The following ANTXR1 variants were observed in gnomAD, a reference collection of about 807,000 sequenced individuals.
ANTXR1 encodes the protein ANTXR cell adhesion molecule 1, also known as anthrax toxin receptor 1.
ANTXR1 carries 19 observed loss-of-function variants against 78.1 expected under a neutral mutation model. The ratio of observed to expected loss-of-function variants is 0.24; its 90% confidence interval spans 0.17 to 0.36. The LOEUF is 0.36. ANTXR1 is among the 10% of genes least tolerant of loss of function. The pLI, the probability that ANTXR1 is intolerant of heterozygous loss-of-function variation, is 1.00. For missense variants in ANTXR1, 518 were observed against 718.6 expected (o/e 0.72, Z 3.19); for synonymous variants, 273 against 260.5 (o/e 1.05, Z -0.46).
chr2:69,218,172 G>A lies in ANTXR1; in HGVS notation c.1434+24757G>A, dbSNP rs562556743. Among the ~76,000 whole-genome samples the A allele has an allele frequency of 3.3e-5, 5 of 152,260 alleles. No individual in the cohort carries two copies. In the East Asian group the frequency reaches 9.6e-4, roughly 29 times the overall value. On this transcript the variant is annotated intron_variant, in intron 17 of 17. Coordinates refer to ENST00000303714, the MANE Select transcript of ANTXR1 (RefSeq NM_032208.3). ...AACAGTTCATTCTCCTGGCCCTCGT[G>A]TGAAAACTGCAGAAAAGTCACCCCA...
At chr2:69,026,281 C>T (rs1671342378) in intron 1 of ANTXR1, among the ~76,000 whole-genome samples, 1 of 152,234 alleles carries the variant, frequency 6.6e-6, no homozygotes, top group African/African-American at 2.4e-5. Flanking sequence ...GGGTTCAAAT[C>T]TCAGCCCTAC....
At chr2:69,214,811 G>A (rs1675137089) in intron 17 of ANTXR1, among the ~76,000 whole-genome samples, 1 of 152,164 alleles carries the variant, frequency 6.6e-6, no homozygotes, top group South Asian at 2.1e-4. Flanking sequence ...TTCCCCTGGG[G>A]TGCTCCTTGG....
chr2:69,023,293 C>T (rs777007895), intron 1 of ANTXR1, among the ~76,000 whole-genome samples: 3 of 149,762 alleles, frequency 2.0e-5, no homozygotes, highest in South Asian at 4.3e-4. Context: ...TGGAGGTGGA[C>T]GTGATGATAA....
intron 13 of ANTXR1, among the ~76,000 whole-genome samples, chr2:69,163,086 T>G (rs904523657): frequency 6.6e-6 from 1 of 152,212 alleles, no homozygotes; most frequent in African/African-American, 2.4e-5. Context: ...TATGGCTCTT[T>G]ACCTTGATTT....
intron 12 of ANTXR1, among the ~76,000 whole-genome samples, chr2:69,127,560 A>G (rs570790392): frequency 4.6e-5 from 7 of 152,094 alleles, no homozygotes; most frequent in Non-Finnish European, 1.0e-4. Flanking sequence ...TATATTTAGA[A>G]GATTACTTGG....
At chr2:69,063,624 A>C (rs1009509403) in intron 3 of ANTXR1, among the ~76,000 whole-genome samples, 1 of 152,102 alleles carries the variant, frequency 6.6e-6, no homozygotes. Flanking sequence ...GAAATGATAA[A>C]TATTTAGGTA....
At chr2:69,153,121 C>T (rs1304161944) in intron 13 of ANTXR1, among the ~76,000 whole-genome samples, 4 of 152,256 alleles carry the variant, frequency 2.6e-5, no homozygotes, top group Non-Finnish European at 4.4e-5. Flanking sequence ...GTGAAGTGGC[C>T]ACTGCTCCAC....
chr2:69,089,213 G>A (rs1270366152), intron 8 of ANTXR1, among the ~76,000 whole-genome samples: 2 of 152,222 alleles, frequency 1.3e-5, no homozygotes, highest in Admixed American at 6.5e-5. Flanking sequence ...TTGTCAAGAA[G>A]AAATGTTGCT....
chr2:69,186,363 T>A (rs909809755), intron 16 of ANTXR1, among the ~76,000 whole-genome samples: 1 of 152,252 alleles, frequency 6.6e-6, no homozygotes, highest in Non-Finnish European at 1.5e-5. Context: ...TTACATGATG[T>A]TCGATCCACA....
At chr2:69,048,507 A>T (rs1669841938) in intron 3 of ANTXR1, among the ~76,000 whole-genome samples, 1 of 152,054 alleles carries the variant, frequency 6.6e-6, no homozygotes, top group African/African-American at 2.4e-5. Flanking sequence ...TTTTTATTTA[A>T]ATTAGTACTT....
intron 1 of ANTXR1, among the ~76,000 whole-genome samples, chr2:69,018,264 C>T (rs1052986013): frequency 3.3e-5 from 5 of 152,160 alleles, no homozygotes; most frequent in African/African-American, 1.2e-4. Flanking sequence ...TGCCATTTCC[C>T]TTCTGTTCGG....
At chr2:69,191,802 T>C (rs998504151) in intron 16 of ANTXR1, among the ~76,000 whole-genome samples, 1 of 152,346 alleles carries the variant, frequency 6.6e-6, no homozygotes, top group South Asian at 2.1e-4. Flanking sequence ...ATTGGTGTAA[T>C]AGAAAGCATA....
intron 12 of ANTXR1, among the ~76,000 whole-genome samples, chr2:69,141,732 A>T (rs1375280952): frequency 6.6e-6 from 1 of 152,238 alleles, no homozygotes; most frequent in Non-Finnish European, 1.5e-5. Flanking sequence ...GTGTACATTG[A>T]CTTTCATGTC....
At chr2:69,079,535 C>T (rs1462767846) in intron 8 of ANTXR1, among the ~76,000 whole-genome samples, 1 of 152,048 alleles carries the variant, frequency 6.6e-6, no homozygotes, top group Non-Finnish European at 1.5e-5. Context: ...TAATACCTAT[C>T]TATCTAGTGG....
At chr2:69,197,169 C>A (rs1674685037) in intron 17 of ANTXR1, among the ~76,000 whole-genome samples, 1 of 152,208 alleles carries the variant, frequency 6.6e-6, no homozygotes, top group Admixed American at 6.5e-5. Context: ...CTTGGGCCAA[C>A]TTAAAAGGGA....
intron 1 of ANTXR1, among the ~76,000 whole-genome samples, chr2:69,032,513 G>T (rs1671558553): frequency 6.6e-6 from 1 of 152,104 alleles, no homozygotes. Flanking sequence ...ACCCGACGAT[G>T]TTGACCCATC....
intron 12 of ANTXR1, chr2:69,146,124 G>C: frequency 3.0e-6 from 3 of 985,454 alleles, no homozygotes; most frequent in Non-Finnish European, 3.6e-6. Flanking sequence ...AGCTTGTCCT[G>C]CCTTCGTATT....
At chr2:69,036,147 A>T (rs1669408830) in intron 1 of ANTXR1, among the ~76,000 whole-genome samples, 1 of 152,204 alleles carries the variant, frequency 6.6e-6, no homozygotes, top group Non-Finnish European at 1.5e-5. Flanking sequence ...AGTCAATAAT[A>T]GTTTCCCAAT....
At chr2:69,113,142 A>G (rs1241066713) in intron 10 of ANTXR1, among the ~76,000 whole-genome samples, 2 of 152,184 alleles carry the variant, frequency 1.3e-5, no homozygotes, top group Non-Finnish European at 2.9e-5. Context: ...TGTTTTATGC[A>G]TGTCTGGGAG....
Sources: allele counts gnomAD v4.1 joint callset (sites outside exome capture counted in the v4.1 genomes callset), GRCh38; gene constraint gnomAD v4.1.1; transcripts MANE v1.5; gene names NCBI Gene and HGNC (gene_info 2026-07-23, HGNC 2026-07-21).